Variants in ELFN2 observed in about 807,000 individuals in gnomAD.
ELFN2 encodes extracellular leucine rich repeat and fibronectin type III domain containing 2, also known as protein phosphatase 1 regulatory subunit 29.
Under a neutral mutation model 45.5 loss-of-function variants are expected in ELFN2, and 17 were observed. The observed-to-expected ratio is 0.37, with a 90% CI of 0.26 to 0.56. ELFN2 has a LOEUF of 0.56. Ranked by LOEUF, ELFN2 falls within the 20% of genes least tolerant of loss-of-function variation. ELFN2 has a pLI of 0.77. For synonymous variants in ELFN2, 550 were observed against 551.5 expected, an observed-to-expected ratio of 1.00 and a Z score of 0.04; for missense variants, 922 against 1,183.2, an observed-to-expected ratio of 0.78 and a Z score of 3.24.
intron 1 of ELFN2, among the ~76,000 whole-genome samples, chr22:37,345,573 A>C (rs1930677782): frequency 1.4e-5 from 2 of 145,516 alleles, no homozygotes; most frequent in South Asian, 4.3e-4. Flanking sequence ...TTTGAGACGA[A>C]GTCTCACTCT....
chr22:37,424,518 CA>C (rs1423988424), intron 1 of ELFN2, among the ~76,000 whole-genome samples: 7 of 134,132 alleles, frequency 5.2e-5, no homozygotes, highest in African/African-American at 2.0e-4. Flanking sequence ...ACCTGGGAGT[CA>C]AGAGCAGCCT....
chr22:37,354,278 T>C (rs1930894931), intron 1 of ELFN2: 1 of 152,246 alleles, frequency 6.6e-6, no homozygotes, highest in Non-Finnish European at 1.5e-5. Flanking sequence ...GCCATGTTCT[T>C]CATCTTCATC....
intron 1 of ELFN2, among the ~76,000 whole-genome samples, chr22:37,359,255 T>A (rs950211069): frequency 1.2e-4 from 19 of 152,134 alleles, no homozygotes; most frequent in African/African-American, 4.6e-4. Context: ...CAAGTTTGGA[T>A]CTCAGAAAGA....
chr22:37,399,362 T>C (rs1932302744), intron 2 of ELFN2, among the ~76,000 whole-genome samples: 1 of 152,136 alleles, frequency 6.6e-6, no homozygotes, highest in African/African-American at 2.4e-5. Context: ...ACTCTTTTCA[T>C]GCCCAGGCCC....
At chr22:37,391,896 C>A (rs1428348333) in intron 2 of ELFN2, among the ~76,000 whole-genome samples, 1 of 152,212 alleles carries the variant, frequency 6.6e-6, no homozygotes, top group Non-Finnish European at 1.5e-5. Flanking sequence ...CAGACCTGGG[C>A]CTGAGCCCAA....
chr22:37,391,834 T>A (rs1297116783), intron 2 of ELFN2, among the ~76,000 whole-genome samples: 1 of 152,120 alleles, frequency 6.6e-6, no homozygotes, highest in African/African-American at 2.4e-5. Flanking sequence ...GAAAGGGCCT[T>A]CCCAGGCAGT....
chr22:37,405,874 C>T (rs1021620627), intron 2 of ELFN2, among the ~76,000 whole-genome samples: 17 of 151,798 alleles, frequency 1.1e-4, no homozygotes, highest in African/African-American at 3.6e-4. Context: ...CAATGGCTCG[C>T]GCTTGTCATC....
At position 37,349,457 on chromosome 22, in the gene ELFN2, C is replaced by T. The variant is rs138269543; in HGVS notation, n.149-6754G>A. ...GTTTGGAGGTTCCTGAGAGGCCCCC[C>T]AGGGGCCCTGCCCACACCCACCTCC... is the stretch of plus-strand genomic sequence containing the variant. On this transcript the variant is annotated intron_variant and non_coding_transcript_variant, in intron 1 of 2. Transcript: ENST00000452946. Among the ~76,000 whole-genome samples the T allele has an allele frequency of 2.8e-3, 424 of 151,384 alleles. 7 individuals are homozygous for T. Among genetic ancestry groups the T allele is most frequent in the African/African-American group, 9.7e-3 (401 of 41,506 alleles).
intron 1 of ELFN2, among the ~76,000 whole-genome samples, chr22:37,418,598 GC>G (rs1346871663): frequency 6.8e-6 from 1 of 147,530 alleles, no homozygotes; most frequent in Non-Finnish European, 1.5e-5. Flanking sequence ...GACCCCCAGT[GC>G]CCCCACACAG....
At position 37,393,208 on chromosome 22, in the gene ELFN2, G is replaced by A. The variant is rs116872340; in HGVS notation, c.-462-17212C>T. Among the ~76,000 whole-genome samples the A allele has an allele frequency of 8.2e-3, 1,253 of 152,314 alleles. 12 individuals are homozygous for A. The highest frequency in any genetic ancestry group is 0.011 in the Non-Finnish European group (742 of 68,030). ...TGGTCTCTGACCACCACCTGGCCTCGTCAAGGTGGCCCTGTCTCATCCTTT... is the reference window on the plus strand; with the variant it reads ...TGGTCTCTGACCACCACCTGGCCTCATCAAGGTGGCCCTGTCTCATCCTTT... On this transcript the variant is annotated intron_variant, in intron 2 of 2. Transcript: ENST00000402918.
chr22:37,361,868 C>A (rs1037067449), intron 1 of ELFN2, among the ~76,000 whole-genome samples: 2 of 152,200 alleles, frequency 1.3e-5, no homozygotes, highest in Non-Finnish European at 2.9e-5. Context: ...AAGCCCCATT[C>A]TCCGGCCCAT....
intron 2 of ELFN2, among the ~76,000 whole-genome samples, chr22:37,406,753 C>T (rs1185008849): frequency 1.3e-5 from 2 of 152,266 alleles, no homozygotes; most frequent in Non-Finnish European, 2.9e-5. Context: ...CTGGGAATGA[C>T]ACCCCTTTCC....
chr22:37,419,984 T>C lies in ELFN2; in HGVS notation c.-613-2065A>G, dbSNP rs563797843. 3.9e-5 allele frequency among the ~76,000 whole-genome samples: 6 copies of C among 152,216 alleles called. No individual in the cohort carries two copies. In the East Asian group the frequency reaches 7.8e-4, roughly 20 times the overall value. On this transcript the variant is annotated intron_variant, in intron 1 of 2. Coordinates refer to ENST00000402918, the MANE Select transcript of ELFN2 (RefSeq NM_052906.5). ...CGCGCAGAGCCCAGAGGCTGCGAAA[T>C]TGGCTGCGAGCGTCAGGGGCTGCGG...
intron 1 of ELFN2, among the ~76,000 whole-genome samples, chr22:37,343,944 T>G (rs2145607170): frequency 6.7e-6 from 1 of 150,306 alleles, no homozygotes; most frequent in South Asian, 2.1e-4. Flanking sequence ...AAAGAGGGAG[T>G]GGGACAGGGC....
At chr22:37,359,176 C>G (rs545681434) in intron 1 of ELFN2, among the ~76,000 whole-genome samples, 1 of 152,204 alleles carries the variant, frequency 6.6e-6, no homozygotes, top group South Asian at 2.1e-4. Context: ...GGCCACCCGG[C>G]AGGGAATTGA....
rs573004348 is a variant in ELFN2 at position 37,373,756 on chromosome 22, G to A, written c.1779C>T (p.Pro593=). The change falls in exon 3 of 3, where the codon CCC becomes CCT. Residue 593 remains proline, a synonymous_variant. Coordinates refer to ENST00000402918, the MANE Select transcript of ELFN2 (RefSeq NM_052906.5). ...AAAAASSATG[P]GALERPSFLS... is the part of the protein sequence containing the mutation. The stretch of plus-strand genomic sequence containing the variant: ...GGAAGCTGGGCCGCTCCAGGGCCCC[G>A]GGGCCAGTGGCTGAGGAGGCGGCAG... 2.5e-5 allele frequency: 39 copies of A among 1,578,662 alleles called. No individual in the cohort carries two copies. The highest frequency in any genetic ancestry group is 8.2e-5 in the South Asian group (7 of 85,436).
At chr22:37,383,759 C>T (rs893563774) in intron 2 of ELFN2, among the ~76,000 whole-genome samples, 4 of 152,232 alleles carry the variant, frequency 2.6e-5, no homozygotes, top group Non-Finnish European at 4.4e-5. Flanking sequence ...CACTAAGCTG[C>T]CTTCTTACTC....
At chr22:37,380,168 C>A (rs912333206) in intron 2 of ELFN2, among the ~76,000 whole-genome samples, 2 of 152,242 alleles carry the variant, frequency 1.3e-5, no homozygotes, top group Non-Finnish European at 2.9e-5. Context: ...GCCCCCACTG[C>A]ACTGCGGCGT....
chr22:37,426,877 A>G (rs1932855805), intron 1 of ELFN2: 1 of 145,920 alleles, frequency 6.9e-6, no homozygotes, highest in African/African-American at 2.6e-5. Flanking sequence ...CTTACCAGCT[A>G]GAGGATGAAT....
Sources: allele counts gnomAD v4.1 joint callset (sites outside exome capture counted in the v4.1 genomes callset), GRCh38; gene constraint gnomAD v4.1.1; transcripts MANE v1.5; gene names NCBI Gene and HGNC (gene_info 2026-07-23, HGNC 2026-07-21).